Variants in A2ML1 observed in about 807,000 individuals in gnomAD.
The protein encoded by A2ML1 is alpha-2-macroglobulin-like protein 1.
A2ML1 carries 161 observed loss-of-function variants against 181.9 expected under a neutral mutation model. That is an observed-to-expected ratio of 0.89 (90% CI 0.78 to 1.01). A2ML1 has a LOEUF of 1.01. Among genes scored for constraint, A2ML1 ranks in the 50% least tolerant of loss-of-function variants. The pLI is 0.00. For missense variants in A2ML1, 1,670 were observed against 1,768.1 expected (o/e 0.94, Z 1.00); for synonymous variants, 663 against 666.8 (o/e 0.99, Z 0.09).
At chr12:8,838,786 C>T (rs776662070) in intron 9 of A2ML1, among the ~76,000 whole-genome samples, 5 of 151,824 alleles carry the variant, frequency 3.3e-5, no homozygotes, top group Admixed American at 1.3e-4. Context: ...GTGACGGGGG[C>T]GCCTGTAGTC....
chr12:8,858,119 G>A lies in A2ML1; in HGVS notation c.3264+17G>A. Reference sequence around the variant, plus strand: ...GCTATGAAGGTGCGGATCTGTCCAGGAGCCTGCAGCCAACCACTGTCTCGA... The same window carrying A: ...GCTATGAAGGTGCGGATCTGTCCAGAAGCCTGCAGCCAACCACTGTCTCGA... On this transcript the variant is annotated intron_variant, in intron 26 of 35. Coordinates refer to ENST00000299698, the MANE Select transcript of A2ML1 (RefSeq NM_144670.6). 2.5e-6 allele frequency: 4 copies of A among 1,609,952 alleles called. No homozygotes were observed. The South Asian group carries it at 4.4e-5, about 18-fold the overall frequency.
rs1179243843 is a variant in A2ML1, at chr12:8,857,996, T to C, written c.3158T>C (p.Phe1053Ser). The C allele has an allele frequency of 6.2e-7, 1 of 1,614,206 alleles. No homozygotes were observed. The highest frequency in any genetic ancestry group is 2.2e-5 in the East Asian group (1 of 44,886). ...TTTGGCCAAGCTCAGAAATTCATCT[T>C]CATTGATCCCAAGAACATCCAGGAT... ...KCFGQAQKFI[F>S]IDPKNIQDAL... The change falls in exon 26 of 36, where the codon TTC becomes TCC. Residue 1053 changes from phenylalanine to serine, a missense_variant. Transcript: ENST00000299698.
chr12:8,874,119 G>A (rs1944719719), intron 33 of A2ML1, among the ~76,000 whole-genome samples: 1 of 152,058 alleles, frequency 6.6e-6, no homozygotes, highest in Non-Finnish European at 1.5e-5. Context: ...AGGTTCAAGC[G>A]ATTCTTCTGC....
chr12:8,854,304 C>G (rs1392368410), intron 21 of A2ML1, 55 bp downstream of exon 21: 6 of 1,526,206 alleles, frequency 3.9e-6, no homozygotes, highest in Middle Eastern at 4.7e-4. Flanking sequence ...CTCAGCATCT[C>G]GTCTTGCTGT....
chr12:8,838,679 G>A (rs976389599), intron 9 of A2ML1, among the ~76,000 whole-genome samples: 1 of 151,994 alleles, frequency 6.6e-6, no homozygotes, highest in Non-Finnish European at 1.5e-5. Context: ...TTGGGAGGCC[G>A]AGACGGGCAG....
chr12:8,850,492 G>A (rs771959655), intron 18 of A2ML1, among the ~76,000 whole-genome samples: 1 of 152,162 alleles, frequency 6.6e-6, no homozygotes, highest in South Asian at 2.1e-4. Flanking sequence ...AGGATCACTT[G>A]AGTCTGGGAG....
intron 2 of A2ML1, 99 bp from the exon 3 acceptor site, chr12:8,823,621 T>A (rs2136696741): frequency 7.4e-7 from 1 of 1,356,012 alleles, no homozygotes; most frequent in Admixed American, 2.2e-5. Context: ...TACCCCCATC[T>A]AACTCAGCTC....
chr12:8,841,331 A>G lies in A2ML1; in HGVS notation c.1081-38A>G, dbSNP rs747157583. 11 of 1,595,800 alleles carry G rather than the reference A, an allele frequency of 6.9e-6. No individual in the cohort carries two copies. In the South Asian group the frequency reaches 1.2e-4, roughly 18 times the overall value. ...TTTACCTCATACTCAAGCTTACTCC[A>G]AACCTAATTCTAATCCGTAATGATC... On this transcript the variant is annotated intron_variant, in intron 10 of 35. Transcript: ENST00000299698.
At chr12:8,829,000 T>A (rs968851910) in intron 3 of A2ML1, among the ~76,000 whole-genome samples, 9 of 152,206 alleles carry the variant, frequency 5.9e-5, no homozygotes, top group Non-Finnish European at 1.2e-4. Context: ...TCTGTCTCTG[T>A]ACCACAGTCA....
chr12:8,846,118 A>G lies in A2ML1; in HGVS notation c.1579A>G (p.Arg527Gly). 6.2e-7 allele frequency: 1 copy of G among 1,614,152 alleles called. No individual in the cohort carries two copies. Among genetic ancestry groups the G allele is most frequent in the Non-Finnish European group, 8.5e-7 (1 of 1,180,038 alleles). ...CTCTCTCTCACTGACCTTCACTTCG[A>G]GACTGGCCCCTGATCCTTCCCTGGT... ...SFSLSLTFTS[R>G]LAPDPSLVIY... is the part of the protein sequence containing the mutation. Residue 527 changes from arginine to glycine, a missense_variant, in exon 14 of 36, where the codon AGA becomes GGA. Physicochemically the swap from Arg to Gly is moderately radical, Grantham distance 125. Transcript: ENST00000299698.
At chr12:8,848,973 G>A in intron 16 of A2ML1, 59 bp downstream of exon 16, 1 of 1,540,732 alleles carries the variant, frequency 6.5e-7, no homozygotes, top group East Asian at 2.3e-5. Context: ...ATGGGCAAAG[G>A]AAAGTTCATA....
In A2ML1 at chr12:8,868,636, C is replaced by G. The variant is rs771516047; in HGVS notation, c.4152+9C>G. ...AGGGCACCAATCAGTTAGTAAGTTA[C>G]TTCTGTTTTCTTCATTTATCTAGCT... On this transcript the variant is annotated intron_variant, in intron 32 of 35. Transcript: ENST00000299698. 1.2e-6 allele frequency: 2 copies of G among 1,609,464 alleles called. No individual in the cohort carries two copies. The highest frequency in any genetic ancestry group is 1.7e-6 in the Non-Finnish European group (2 of 1,178,150).
Position 8,848,796 on chromosome 12 carries a change from GC to G in A2ML1, c.1913del (p.Pro638HisfsTer43). On this transcript the variant is annotated frameshift_variant, in exon 16 of 36. Coordinates refer to ENST00000299698, the MANE Select transcript of A2ML1 (RefSeq NM_144670.6). LOFTEE classifies it high-confidence loss of function. ...GAGTATGATCAGTGTCCAGTGTCTG[GC>G]CCATGGGACTTTCCTCAGCCCCTCA... Reference protein sequence around the residue: ...VAEYDQCPVSGPWDFPQPLID... With the variant: ...VAEYDQCPVSXPWDFPQPLID... The G allele has an allele frequency of 6.2e-7, 1 of 1,614,066 alleles. No individual in the cohort carries two copies. Among genetic ancestry groups the G allele is most frequent in the South Asian group, 1.1e-5 (1 of 91,074 alleles).
chr12:8,851,401 A>G (rs11047588), intron 18 of A2ML1, among the ~76,000 whole-genome samples: 2,717 of 151,660 alleles, frequency 0.018, 81 homozygotes, highest in African/African-American at 0.062. Context: ...ACTTCTGCAG[A>G]TGAATTTGTA....
chr12:8,833,383 T>C (rs763998695), intron 4 of A2ML1, among the ~76,000 whole-genome samples: 2 of 152,278 alleles, frequency 1.3e-5, no homozygotes, highest in Non-Finnish European at 2.9e-5. Flanking sequence ...TACTTTGTTA[T>C]CGAAGTGTTT....
At chr12:8,853,537 C>A (rs895241989) in intron 20 of A2ML1, among the ~76,000 whole-genome samples, 1 of 152,144 alleles carries the variant, frequency 6.6e-6, no homozygotes, top group Non-Finnish European at 1.5e-5. Flanking sequence ...AGCTGTCAGT[C>A]AGGACTCTGG....
rs1356612341 is a variant in A2ML1 at position 8,843,207 on chromosome 12, A to G, written c.1322A>G (p.His441Arg). The G allele has an allele frequency of 6.2e-7, 1 of 1,614,096 alleles. No homozygotes were observed. The highest frequency in any genetic ancestry group is 8.5e-7 in the Non-Finnish European group (1 of 1,180,056). The change falls in exon 12 of 36, where the codon CAC (histidine) becomes CGC (arginine). Residue 441 changes from histidine to arginine, a missense_variant. His to Arg is a conservative substitution (Grantham distance 29). Coordinates refer to ENST00000299698, the MANE Select transcript of A2ML1 (RefSeq NM_144670.6). ...CGTTACTACCAAAATGCCTACCTGC[A>G]CCTGCGACCCTTCTACAGCACAACC... ...VPRYYQNAYL[H>R]LRPFYSTTRS...
downstream of A2ML1, among the ~76,000 whole-genome samples, chr12:8,879,444 T>C (rs968578539): frequency 6.6e-6 from 1 of 151,946 alleles, no homozygotes; most frequent in Non-Finnish European, 1.5e-5. Context: ...TGAGCTGGGA[T>C]TGCACCACTG....
chr12:8,867,802 C>T, intron 29 of A2ML1, 40 bp from the exon 30 acceptor site: 2 of 1,572,142 alleles, frequency 1.3e-6, no homozygotes, highest in Non-Finnish European at 8.8e-7. Context: ...ATTCCAATGG[C>T]TCACAAAATG....
Sources: allele counts gnomAD v4.1 joint callset (sites outside exome capture counted in the v4.1 genomes callset), GRCh38; gene constraint gnomAD v4.1.1; transcripts MANE v1.5; gene names NCBI Gene and HGNC (gene_info 2026-07-23, HGNC 2026-07-21).